The following RERE variants were observed in gnomAD, a reference collection of about 807,000 sequenced individuals.
RERE encodes arginine-glutamic acid dipeptide repeats.
Under a neutral mutation model 146.1 loss-of-function variants are expected in RERE, and 40 were observed. That is an observed-to-expected ratio of 0.27 (90% CI 0.21 to 0.36). The LOEUF is 0.36. Among genes scored for constraint, RERE ranks in the 10% least tolerant of loss-of-function variants. The pLI is 1.00. For missense variants in RERE, 1,933 were observed against 2,138.7 expected (o/e 0.90, Z 1.90); for synonymous variants, 1,003 against 866.0 (o/e 1.16, Z -2.78).
intron 1 of RERE, among the ~76,000 whole-genome samples, chr1:8,667,163 A>G (rs762978597): frequency 6.6e-6 from 1 of 152,188 alleles, no homozygotes; most frequent in Non-Finnish European, 1.5e-5. Context: ...AGGCTTCTCA[A>G]TTTCTTCCAA....
intron 4 of RERE, among the ~76,000 whole-genome samples, chr1:8,599,842 A>G (rs891112514): frequency 3.9e-5 from 6 of 152,182 alleles, no homozygotes; most frequent in African/African-American, 1.4e-4. Flanking sequence ...TCTGCCATGC[A>G]ATCCTTAAAC....
chr1:8,379,662 G>A (rs1326660957), intron 12 of RERE, among the ~76,000 whole-genome samples: 1 of 152,220 alleles, frequency 6.6e-6, no homozygotes, highest in African/African-American at 2.4e-5. Flanking sequence ...GGGACTGGCA[G>A]CGCCACCCCA....
chr1:8,367,209 T>G (rs533424004), intron 12 of RERE, among the ~76,000 whole-genome samples: 2 of 152,284 alleles, frequency 1.3e-5, no homozygotes, highest in South Asian at 2.1e-4. Context: ...AGCTGCCACA[T>G]GACAAACTCA....
intron 2 of RERE, among the ~76,000 whole-genome samples, chr1:8,640,689 T>C (rs986924199): frequency 1.3e-5 from 2 of 152,200 alleles, no homozygotes; most frequent in African/African-American, 4.8e-5. Flanking sequence ...TAATGACAAA[T>C]AGTCATTATG....
intron 7 of RERE, among the ~76,000 whole-genome samples, chr1:8,524,716 A>G (rs1645548828): frequency 1.3e-5 from 2 of 152,230 alleles, no homozygotes; most frequent in Admixed American, 6.5e-5. Flanking sequence ...TAAGAATTCA[A>G]TTTGTCCTAA....
rs1398734845 is a variant in RERE, at chr1:8,360,168, G to A, written c.3339C>T (p.Ser1113=). 2 of 1,599,550 alleles carry A rather than the reference G, an allele frequency of 1.3e-6. No individual in the cohort carries two copies. Among genetic ancestry groups the A allele is most frequent in the Non-Finnish European group, 8.5e-7 (1 of 1,173,486 alleles). Residue 1113 remains serine, a synonymous_variant, in exon 18 of 23, where the codon AGC becomes AGT. Transcript: ENST00000400908. ...EPESPPPPPR[S]PSPEPTVVDT... ...CCACCACAGTGGGCTCCGGGGACGG[G>A]CTCCTTGGTGGGGGAGGGGGGCTCT...
At chr1:8,642,035 G>T (rs74050264) in intron 2 of RERE, among the ~76,000 whole-genome samples, 1 of 151,996 alleles carries the variant, frequency 6.6e-6, no homozygotes, top group Non-Finnish European at 1.5e-5. Context: ...CAAAAGTATC[G>T]TATTAACATT....
intron 1 of RERE, among the ~76,000 whole-genome samples, chr1:8,810,727 C>T (rs1313435750): frequency 6.6e-6 from 1 of 152,154 alleles, no homozygotes; most frequent in African/African-American, 2.4e-5. Flanking sequence ...AACAGGTATT[C>T]TTTGGGGTAA....
chr1:8,631,316 C>T (rs1647032593), intron 2 of RERE, among the ~76,000 whole-genome samples: 1 of 152,186 alleles, frequency 6.6e-6, no homozygotes, highest in African/African-American at 2.4e-5. Context: ...AGAGGACTGC[C>T]TGTGCCCTGG....
chr1:8,475,373 TAAAA>T (rs70990569), intron 10 of RERE, among the ~76,000 whole-genome samples: 1 of 137,000 alleles, frequency 7.3e-6, no homozygotes. Flanking sequence ...GATTCTGTCT[TAAAA>T]AAAAAAAAAA....
intron 10 of RERE, among the ~76,000 whole-genome samples, chr1:8,486,772 A>AAG (rs397761156): frequency 9.0e-5 from 13 of 143,724 alleles, no homozygotes; most frequent in African/African-American, 3.1e-4. Flanking sequence ...AAAAAAAAAA[A>AAG]GAAAAGAAAG....
intron 12 of RERE, among the ~76,000 whole-genome samples, chr1:8,376,938 T>TA (rs1204699884): frequency 2.0e-5 from 3 of 152,276 alleles, no homozygotes; most frequent in South Asian, 2.1e-4. Context: ...GCAGATCTAT[T>TA]AAAAAAAATT....
Position 8,626,063 on chromosome 1 carries a change from G to C in RERE, c.326-1683C>G, listed in dbSNP as rs183295555. Among the ~76,000 whole-genome samples the C allele has an allele frequency of 3.5e-3, 537 of 152,284 alleles. 1 individual carries two copies. The highest frequency in any genetic ancestry group is 5.6e-3 in the Admixed American group (85 of 15,298). ...CCAAGGTCCCAGATGCTAAATAACT[G>C]TGCTTCAGCATTCAGGCAACATCAA... is the stretch of plus-strand genomic sequence containing the variant. On this transcript the variant is annotated intron_variant, in intron 2 of 22. Coordinates refer to ENST00000400908, the MANE Select transcript of RERE (RefSeq NM_001042681.2).
At chr1:8,504,892 T>C (rs1357663715) in intron 8 of RERE, among the ~76,000 whole-genome samples, 1 of 151,868 alleles carries the variant, frequency 6.6e-6, no homozygotes, top group African/African-American at 2.4e-5. Flanking sequence ...CTAATTACAA[T>C]TAAAAAAGAG....
intron 1 of RERE, among the ~76,000 whole-genome samples, chr1:8,774,671 T>C (rs917438299): frequency 6.6e-6 from 1 of 151,678 alleles, no homozygotes; most frequent in Admixed American, 6.6e-5. Flanking sequence ...TGGCAAACTA[T>C]TAAAACCTAT....
chr1:8,628,089 C>T (rs963523568), intron 2 of RERE, among the ~76,000 whole-genome samples: 8 of 152,150 alleles, frequency 5.3e-5, no homozygotes, highest in African/African-American at 1.4e-4. Flanking sequence ...GTTTAAAAAA[C>T]GACCATGGCA....
intron 11 of RERE, among the ~76,000 whole-genome samples, chr1:8,445,148 G>A (rs1042199658): frequency 1.3e-5 from 2 of 152,108 alleles, no homozygotes; most frequent in Non-Finnish European, 2.9e-5. Flanking sequence ...TCTTAGCTTT[G>A]TATCTACCTA....
rs146137125 is a variant in RERE, at chr1:8,617,732, G to T, written c.397-3046C>A. The stretch of plus-strand genomic sequence containing the variant: ...CATAACACATGGCCTTTTCTGGGAG[G>T]TTCACACGTATACTAGGCCCTCATT... On this transcript the variant is annotated intron_variant, in intron 3 of 22. Coordinates refer to ENST00000400908, the MANE Select transcript of RERE (RefSeq NM_001042681.2). Among the ~76,000 whole-genome samples the T allele has an allele frequency of 7.6e-3, 1,150 of 152,226 alleles. 10 individuals are homozygous for T. The highest frequency in any genetic ancestry group is 0.012 in the South Asian group (56 of 4,822).
intron 4 of RERE, among the ~76,000 whole-genome samples, chr1:8,561,153 C>T (rs557051662): frequency 6.6e-6 from 1 of 152,226 alleles, no homozygotes; most frequent in East Asian, 1.9e-4. Context: ...TTATTTGTAC[C>T]TAGATGTATG....
Sources: gnomAD v4.1 joint callset for allele counts (sites outside exome capture counted in the v4.1 genomes callset) on GRCh38, gnomAD v4.1.1 for gene constraint, MANE v1.5 for transcripts, NCBI Gene and HGNC (gene_info 2026-07-23, HGNC 2026-07-21) for gene names.